Variants in TEX36 observed in about 807,000 individuals in gnomAD.
TEX36 encodes the protein testis expressed 36.
Under a neutral mutation model 13.6 loss-of-function variants are expected in TEX36, and 12 were observed. The observed-to-expected ratio is 0.88, with a 90% confidence interval of 0.56 to 1.43. The LOEUF is 1.43. Among genes scored for constraint, TEX36 ranks in the 40% most tolerant of loss-of-function variants. The pLI is 0.00. For missense variants in TEX36, 224 were observed against 228.3 expected (o/e 0.98, Z 0.12); for synonymous variants, 93 against 83.0 (o/e 1.12, Z -0.65).
downstream of TEX36, among the ~76,000 whole-genome samples, chr10:125,651,546 A>T (rs1846859651): frequency 6.6e-6 from 1 of 152,206 alleles, no homozygotes; most frequent in Admixed American, 6.5e-5. Flanking sequence ...TATCATACTG[A>T]AAGGGCAAAA....
In TEX36 at chr10:125,577,901, A is replaced by G. The variant is rs7078320; in HGVS notation, c.265-1027T>C. 5.8e-3 allele frequency among the ~76,000 whole-genome samples: 880 copies of G among 152,336 alleles called. 10 individuals carry two copies. Among genetic ancestry groups the G allele is most frequent in the African/African-American group, 0.02 (845 of 41,564 alleles). On this transcript the variant is annotated intron_variant, in intron 3 of 3. Coordinates refer to the TEX36 transcript ENST00000532135. ...CCGGGGGAATGTGAGCAAAGAGAGG[A>G]GAAAGAAAGATTAAAAAGGGCAGGT...
chr10:125,603,110 G>T (rs558905315), intron 3 of TEX36, among the ~76,000 whole-genome samples: 2 of 152,316 alleles, frequency 1.3e-5, no homozygotes, highest in South Asian at 4.1e-4. Context: ...CATTTTTCAG[G>T]AGCGATGACC....
At chr10:125,648,082 C>A (rs1244196742) in intron 3 of TEX36, among the ~76,000 whole-genome samples, 1 of 152,204 alleles carries the variant, frequency 6.6e-6, no homozygotes. Flanking sequence ...GGGGGCAGGG[C>A]ATAGCCAAAC....
In TEX36 at chr10:125,577,518, A is replaced by C. The variant is rs139089311; in HGVS notation, c.265-644T>G. Among the ~76,000 whole-genome samples the C allele has an allele frequency of 4.3e-3, 662 of 152,306 alleles. 4 individuals carry two copies. Among genetic ancestry groups the C allele is most frequent in the African/African-American group, 0.015 (636 of 41,574 alleles). ...TGTCTCAAAGAAAAGAACACACACA[A>C]AAAAATTGAATATAAGTATTCATTA... On this transcript the variant is annotated intron_variant, in intron 3 of 3. Transcript: ENST00000532135.
chr10:125,615,696 T>G (rs1846348368), intron 3 of TEX36, among the ~76,000 whole-genome samples: 1 of 151,422 alleles, frequency 6.6e-6, no homozygotes, highest in African/African-American at 2.4e-5. Context: ...AGTATTTTAT[T>G]GAGGATTTTT....
chr10:125,613,281 A>AC (rs1225038133), intron 3 of TEX36, among the ~76,000 whole-genome samples: 2 of 55,658 alleles, frequency 3.6e-5, no homozygotes, highest in East Asian at 8.1e-4. Context: ...TTATTTATTT[A>AC]TTTTTATTAT....
downstream of TEX36, among the ~76,000 whole-genome samples, chr10:125,617,349 T>G (rs1473206735): frequency 6.6e-6 from 1 of 152,246 alleles, no homozygotes; most frequent in Non-Finnish European, 1.5e-5. Flanking sequence ...CTGGTTATTT[T>G]GCTCGTCTGT....
At chr10:125,666,078 C>A (rs1847116239) in intron 1 of TEX36, among the ~76,000 whole-genome samples, 1 of 152,054 alleles carries the variant, frequency 6.6e-6, no homozygotes, top group Non-Finnish European at 1.5e-5. Context: ...TTTATCAGAT[C>A]TAAGTGGGGT....
rs117915395 is a variant in TEX36, at chr10:125,601,756, G to C, written c.265-24882C>G. Among the ~76,000 whole-genome samples the C allele has an allele frequency of 2.4e-4, 36 of 152,296 alleles. No homozygotes were observed. In the East Asian group the frequency reaches 5.6e-3, roughly 24 times the overall value. ...AGTTTTATATCTGAGTTGTGACCCT[G>C]GGACGATTTGGGGGATGTTGATGTA... On this transcript the variant is annotated intron_variant, in intron 3 of 3. Transcript: ENST00000532135.
downstream of TEX36, among the ~76,000 whole-genome samples, chr10:125,618,107 G>A (rs1020809242): frequency 1.3e-5 from 2 of 151,808 alleles, no homozygotes; most frequent in Non-Finnish European, 1.5e-5. Flanking sequence ...CATTCTTCAC[G>A]TAGTTCTCGA....
chr10:125,605,569 C>T (rs1402751231), intron 3 of TEX36, among the ~76,000 whole-genome samples: 1 of 152,090 alleles, frequency 6.6e-6, no homozygotes, highest in Non-Finnish European at 1.5e-5. Flanking sequence ...AATGAAGAAA[C>T]TTTCTGGGTC....
chr10:125,593,550 C>T (rs1406514510), intron 3 of TEX36, among the ~76,000 whole-genome samples: 1 of 152,144 alleles, frequency 6.6e-6, no homozygotes, highest in Non-Finnish European at 1.5e-5. Context: ...TTAGAAAATT[C>T]GTGGATGGTG....
intron 3 of TEX36, among the ~76,000 whole-genome samples, chr10:125,599,693 GTGA>G (rs1703672952): frequency 6.6e-6 from 1 of 152,190 alleles, no homozygotes; most frequent in African/African-American, 2.4e-5. Context: ...AAAAAAATCT[GTGA>G]TGATATCTCT....
chr10:125,656,583 C>T (rs1304564909), intron 3 of TEX36, among the ~76,000 whole-genome samples: 1 of 152,034 alleles, frequency 6.6e-6, no homozygotes, highest in African/African-American at 2.4e-5. Flanking sequence ...TGAGGTCTTT[C>T]TTAAAATCAG....
chr10:125,682,817 A>C, intron 1 of TEX36, 122 bp downstream of exon 1: 1 of 1,099,120 alleles, frequency 9.1e-7, no homozygotes, highest in Non-Finnish European at 1.4e-6. Flanking sequence ...AGGTTGAGTA[A>C]AGTGAAGTGA....
chr10:125,605,603 T>C (rs1846206625), intron 3 of TEX36, among the ~76,000 whole-genome samples: 1 of 152,080 alleles, frequency 6.6e-6, no homozygotes, highest in African/African-American at 2.4e-5. Flanking sequence ...TATTTATTTA[T>C]TTATTTATTT....
chr10:125,673,080 A>C (rs1847259226), intron 1 of TEX36, among the ~76,000 whole-genome samples: 1 of 152,176 alleles, frequency 6.6e-6, no homozygotes, highest in African/African-American at 2.4e-5. Context: ...CTCTTTATCC[A>C]GCTGTCCATT....
In TEX36 at chr10:125,590,910, T is replaced by C. The variant is rs369326353; in HGVS notation, c.265-14036A>G. Among the ~76,000 whole-genome samples the C allele has an allele frequency of 3.5e-4, 53 of 152,320 alleles. 3 individuals are homozygous for C. Among genetic ancestry groups the C allele is most frequent in the East Asian group, 2.1e-3 (11 of 5,178 alleles). ...AAAAGGGCTCCAAAAGTTGTTCTGT[T>C]GCACAGTTTAAATGTTCCTCTTCGG... On this transcript the variant is annotated intron_variant, in intron 3 of 3. Coordinates refer to the TEX36 transcript ENST00000532135.
At chr10:125,579,936 G>C (rs1845864894) in intron 3 of TEX36, among the ~76,000 whole-genome samples, 1 of 152,182 alleles carries the variant, frequency 6.6e-6, no homozygotes. Flanking sequence ...CACAATGTGA[G>C]AATGGACTAA....
Sources: gnomAD v4.1 joint callset for allele counts (sites outside exome capture counted in the v4.1 genomes callset) on GRCh38, gnomAD v4.1.1 for gene constraint, MANE v1.5 for transcripts, NCBI Gene and HGNC (gene_info 2026-07-23, HGNC 2026-07-21) for gene names.